Variants in RPS6KC1 observed in about 807,000 individuals in gnomAD.
The protein encoded by RPS6KC1 is inactive ribosomal protein S6 kinase delta-1.
Under a neutral mutation model 103.8 loss-of-function variants are expected in RPS6KC1, and 54 were observed. The observed-to-expected ratio is 0.52, with a 90% confidence interval of 0.42 to 0.65. RPS6KC1 has a LOEUF of 0.65. Ranked by LOEUF, RPS6KC1 falls within the 30% of genes least tolerant of loss-of-function variation. RPS6KC1 has a pLI of 0.00. For missense variants in RPS6KC1, 1,151 were observed against 1,253.8 expected, an observed-to-expected ratio of 0.92 and a Z score of 1.24; for synonymous variants, 439 against 438.7, an observed-to-expected ratio of 1.00 and a Z score of -0.01.
chr1:213,117,849 C>G (rs971300494), intron 5 of RPS6KC1, among the ~76,000 whole-genome samples: 1 of 150,864 alleles, frequency 6.6e-6, no homozygotes, highest in African/African-American at 2.4e-5. Flanking sequence ...GTGGTGAAAC[C>G]CTGTCTCTAC....
At chr1:213,153,390 A>G (rs1305965314) in intron 6 of RPS6KC1, among the ~76,000 whole-genome samples, 1 of 152,168 alleles carries the variant, frequency 6.6e-6, no homozygotes, top group East Asian at 1.9e-4. Flanking sequence ...AGGCTTGCAA[A>G]TATATCTTGT....
At chr1:213,275,967 A>G (rs2095111713), downstream of RPS6KC1, among the ~76,000 whole-genome samples, 1 of 152,222 alleles carries the variant, frequency 6.6e-6, no homozygotes, top group Non-Finnish European at 1.5e-5. Context: ...CCTGTCTTTT[A>G]AACAGCTGCA....
the RPS6KC1 span, among the ~76,000 whole-genome samples, chr1:213,528,735 A>C: frequency 6.6e-6 from 1 of 152,164 alleles, no homozygotes; most frequent in Non-Finnish European, 1.5e-5. Flanking sequence ...TGGTTCATCT[A>C]GGTCTGCTCC....
the RPS6KC1 span, among the ~76,000 whole-genome samples, chr1:213,719,358 G>A: frequency 6.6e-6 from 1 of 152,174 alleles, no homozygotes; most frequent in African/African-American, 2.4e-5. Flanking sequence ...GTGCTAAGTG[G>A]AGGGGAAACC....
At chr1:213,670,157 G>A in the RPS6KC1 span, among the ~76,000 whole-genome samples, 10,724 of 152,204 alleles carry the variant, frequency 0.07, 1,084 homozygotes, top group African/African-American at 0.22. Context: ...CAAATCCTTC[G>A]AGGAGGTCCC....
chr1:213,854,098 C>A, the RPS6KC1 span, among the ~76,000 whole-genome samples: 2 of 152,136 alleles, frequency 1.3e-5, no homozygotes, highest in African/African-American at 4.8e-5. Flanking sequence ...GGCAAGAAAG[C>A]GGGAGATGTA....
chr1:213,569,615 A>G, the RPS6KC1 span, among the ~76,000 whole-genome samples: 58 of 152,196 alleles, frequency 3.8e-4, no homozygotes, highest in African/African-American at 1.4e-3. Context: ...ATAATAGATT[A>G]TTACATGTTC....
chr1:213,450,751 G>GGATC, the RPS6KC1 span, among the ~76,000 whole-genome samples: 2 of 152,168 alleles, frequency 1.3e-5, no homozygotes, highest in South Asian at 4.1e-4. Context: ...CGAGGCAGGT[G>GGATC]GATCACCTGA....
intron 6 of RPS6KC1, among the ~76,000 whole-genome samples, chr1:213,136,304 A>G (rs2086259561): frequency 6.6e-6 from 1 of 152,302 alleles, no homozygotes; most frequent in South Asian, 2.1e-4. Flanking sequence ...TGCGTCACAT[A>G]GCTTTCACCT....
chr1:213,304,252 C>T, the RPS6KC1 span, among the ~76,000 whole-genome samples: 1 of 151,028 alleles, frequency 6.6e-6, no homozygotes, highest in African/African-American at 2.4e-5. Flanking sequence ...TGAGCCAAAG[C>T]CTTCCTTAAC....
chr1:213,676,803 A>T, the RPS6KC1 span, among the ~76,000 whole-genome samples: 150,928 of 152,352 alleles, frequency 0.99, 74,765 homozygotes, highest in Middle Eastern at 1. Context: ...CACTTCTCTG[A>T]GATCAAGTTT....
At chr1:213,492,628 T>G in the RPS6KC1 span, 1 of 152,244 alleles carries the variant, frequency 6.6e-6, no homozygotes, top group African/African-American at 2.4e-5. Context: ...ATAGCACTTG[T>G]GGTGTTTGAA....
chr1:213,508,770 G>T, the RPS6KC1 span, among the ~76,000 whole-genome samples: 1 of 152,202 alleles, frequency 6.6e-6, no homozygotes, highest in Non-Finnish European at 1.5e-5. Flanking sequence ...TTAACCTGAG[G>T]TGTGTCTTTT....
chr1:213,791,115 A>G, the RPS6KC1 span, among the ~76,000 whole-genome samples: 2 of 152,160 alleles, frequency 1.3e-5, no homozygotes, highest in Admixed American at 1.3e-4. Context: ...TAATCCTGGG[A>G]ATACTTGGCT....
At chr1:213,209,941 T>C (rs191496707) in intron 8 of RPS6KC1, among the ~76,000 whole-genome samples, 79 of 152,254 alleles carry the variant, frequency 5.2e-4, no homozygotes, top group African/African-American at 1.7e-3. Flanking sequence ...TAAACTGTCA[T>C]GGTGGGAGTG....
At chr1:213,226,893 A>G (rs1384532818) in intron 8 of RPS6KC1, among the ~76,000 whole-genome samples, 7 of 152,250 alleles carry the variant, frequency 4.6e-5, no homozygotes, top group Non-Finnish European at 1.0e-4. Flanking sequence ...TCAACTATGT[A>G]TATTTTCAAA....
Position 213,051,339 on chromosome 1 carries a change from C to A in RPS6KC1, c.-66C>A. ...CGCCGCTGCGTTGGGGAACCTGGACCGCGGCGGCGCCGGGTTTCCCTCATG... is the reference window on the plus strand; with the variant it reads ...CGCCGCTGCGTTGGGGAACCTGGACAGCGGCGGCGCCGGGTTTCCCTCATG... On this transcript the variant is annotated 5_prime_UTR_variant, in exon 1 of 15. Coordinates refer to ENST00000366960, the MANE Select transcript of RPS6KC1 (RefSeq NM_012424.6). The A allele has an allele frequency of 7.7e-7, 1 of 1,293,790 alleles. No homozygotes were observed. The highest frequency in any genetic ancestry group is 1.1e-6 in the Non-Finnish European group (1 of 900,138). The allele number at this position is 1,293,790 out of a possible 1,614,324, so 80.1% of individuals were successfully genotyped here. A position where few individuals can be genotyped will look rare whatever the true frequency, so the allele number is the denominator to read the frequency against.
At chr1:213,415,108 G>A in the RPS6KC1 span, among the ~76,000 whole-genome samples, 1 of 152,326 alleles carries the variant, frequency 6.6e-6, no homozygotes, top group African/African-American at 2.4e-5. Context: ...TTAACTCAAG[G>A]TTTACTATGA....
At chr1:213,065,189 C>A (rs1472403711) in intron 1 of RPS6KC1, among the ~76,000 whole-genome samples, 1 of 139,582 alleles carries the variant, frequency 7.2e-6, no homozygotes, top group Admixed American at 7.2e-5. Context: ...CTTGGCCAGG[C>A]TGGTCTCGAA....
Sources: gnomAD v4.1 joint callset for allele counts (sites outside exome capture counted in the v4.1 genomes callset) on GRCh38, gnomAD v4.1.1 for gene constraint, MANE v1.5 for transcripts, NCBI Gene and HGNC (gene_info 2026-07-23, HGNC 2026-07-21) for gene names.